Variants in RYR1 observed in about 807,000 individuals in gnomAD.
The protein encoded by RYR1 is ryanodine receptor 1.
Under a neutral mutation model 583.5 loss-of-function variants are expected in RYR1, and 342 were observed. The ratio of observed to expected loss-of-function variants is 0.59; its 90% CI spans 0.54 to 0.64. RYR1 has a LOEUF of 0.64. Among genes scored for constraint, RYR1 ranks in the 30% least tolerant of loss-of-function variants. The pLI is 0.00. For synonymous variants in RYR1, 2,791 were observed against 2,822.5 expected, an observed-to-expected ratio of 0.99 and a Z score of 0.35; for missense variants, 6,032 against 6,917.2, an observed-to-expected ratio of 0.87 and a Z score of 4.54.
At chr19:38,455,170 A>C in intron 13 of RYR1, 65 bp from the exon 14 acceptor site, 1 of 1,585,382 alleles carries the variant, frequency 6.3e-7, no homozygotes, top group Admixed American at 1.7e-5. Context: ...TCGTGAATCC[A>C]AGAAAGACAA....
At chr19:38,563,123 C>A (rs1973229809) in intron 90 of RYR1, among the ~76,000 whole-genome samples, 1 of 152,224 alleles carries the variant, frequency 6.6e-6, no homozygotes, top group Admixed American at 6.5e-5. Context: ...TACAAACACT[C>A]TTTGCCTTAG....
At position 38,485,911 on chromosome 19, in the gene RYR1, C is replaced by T. The variant is rs1568484705; in HGVS notation, c.5256C>T (p.Ser1752=). 1.2e-6 allele frequency: 2 copies of T among 1,613,776 alleles called. No homozygotes were observed. The highest frequency in any genetic ancestry group is 4.5e-5 in the East Asian group (2 of 44,882). The change falls in exon 34 of 106, where the codon AGC becomes AGT. Residue 1752 remains serine (S), a synonymous_variant. Transcript: ENST00000359596. ...TCACGCTCTTCCCTCCTGGAAGGAGCACAGAAAATGGTCACCCCCGGCATG... is the reference window on the plus strand; with the variant it reads ...TCACGCTCTTCCCTCCTGGAAGGAGTACAGAAAATGGTCACCCCCGGCATG... The part of the protein sequence containing the change: ...RAITLFPPGR[S]TENGHPRHGL...
In RYR1 at chr19:38,543,705, C is replaced by T. The variant is rs1972302293; in HGVS notation, c.11907+45C>T. ...GCGGGAGTGGGAAGGGAGGGGGTCC[C>T]GCATCGTGATCCCTGATCCCTTCTC... On this transcript the variant is annotated intron_variant, in intron 86 of 105. Transcript: ENST00000359596. This position sits in a 1 kb window ranked among gnomAD's most constrained non-coding sequence, Gnocchi z 4.4. 1.2e-6 allele frequency: 2 copies of T among 1,611,668 alleles called. No individual in the cohort carries two copies. The highest frequency in any genetic ancestry group is 1.7e-6 in the Non-Finnish European group (2 of 1,179,976).
intron 97 of RYR1, 40 bp from the exon 98 acceptor site, chr19:38,577,878 C>G: frequency 1.2e-6 from 2 of 1,613,604 alleles, no homozygotes; most frequent in Non-Finnish European, 8.5e-7. Context: ...CACACCCACA[C>G]TCCAGCTGTG....
intron 63 of RYR1, 56 bp from the exon 64 acceptor site, chr19:38,514,970 T>C (rs1970891332): frequency 8.3e-7 from 1 of 1,202,262 alleles, no homozygotes; most frequent in South Asian, 1.2e-5. Flanking sequence ...GGAGGTGGGG[T>C]GGGGAGGGCT....
chr19:38,451,680 C>G, intron 11 of RYR1, 84 bp from the exon 12 acceptor site: 2 of 1,551,226 alleles, frequency 1.3e-6, no homozygotes, highest in Non-Finnish European at 1.8e-6. Flanking sequence ...GGGGCAAGTG[C>G]AGAACTCAAG....
At position 38,490,718 on chromosome 19, in the gene RYR1, T is replaced by A. The variant is rs1969515618; in HGVS notation, c.6113T>A (p.Leu2038Gln). 1 of 1,611,096 alleles carries A rather than the reference T, an allele frequency of 6.2e-7. No individual in the cohort carries two copies. Among genetic ancestry groups the A allele is most frequent in the African/African-American group, 1.3e-5 (1 of 74,904 alleles). The change falls in exon 37 of 106, where the codon CTG (leucine) becomes CAG (glutamine). Residue 2038 changes from leucine (L) to glutamine (Q), a missense_variant. By Grantham distance (113) the Leu-to-Gln change is moderately radical. Coordinates refer to ENST00000359596, the MANE Select transcript of RYR1 (RefSeq NM_000540.3). ...GATTTGCTTGACTTTCATCAAGACCTGCTGGCACACTGTGGTAAGGAGTGG... is the reference window on the plus strand; with the variant it reads ...GATTTGCTTGACTTTCATCAAGACCAGCTGGCACACTGTGGTAAGGAGTGG... ...RQDLLDFHQDLLAHCGIQLDG... is the reference protein window; with the variant it reads ...RQDLLDFHQDQLAHCGIQLDG...
intron 3 of RYR1, 42 bp from the exon 4 acceptor site, chr19:38,443,516 C>T (rs763177673): frequency 1.6e-4 from 249 of 1,574,024 alleles, no homozygotes; most frequent in Non-Finnish European, 2.1e-4. Context: ...TCTGGAGAGT[C>T]CGGGGATCTG....
rs887144192 is a variant in RYR1, at chr19:38,543,206, T to C, written c.11690-141T>C. 16 of 752,344 alleles carry C rather than the reference T, an allele frequency of 2.1e-5. No homozygotes were observed. Among genetic ancestry groups the C allele is most frequent in the Non-Finnish European group, 3.8e-5 (16 of 417,900 alleles). The allele number at this position is 752,344 out of a possible 1,614,324, so 46.6% of individuals were successfully genotyped here. The stretch of plus-strand genomic sequence containing the variant: ...TCACATAGTAAGTACTTGATAGTTA[T>C]TAAATAAATTGATGATGATATGCTT... On this transcript the variant is annotated intron_variant, in intron 84 of 105. Transcript: ENST00000359596. The surrounding 1 kb of genome is among the most constrained non-coding windows in gnomAD (Gnocchi z 4.4).
At chr19:38,497,093 T>C (rs1036249424) in intron 42 of RYR1, 139 bp downstream of exon 42, 3 of 729,212 alleles carry the variant, frequency 4.1e-6, no homozygotes, top group African/African-American at 3.5e-5. Flanking sequence ...AGGAGACTAA[T>C]TTGCAGGGAG....
In RYR1 at chr19:38,455,382, A is replaced by C; in HGVS notation, c.1576+12A>C. 6.2e-7 allele frequency: 1 copy of C among 1,614,088 alleles called. No homozygotes were observed. Among genetic ancestry groups the C allele is most frequent in the African/African-American group, 1.3e-5 (1 of 74,998 alleles). Reference sequence around the variant, plus strand: ...CTATGAACTCCTAGGTAGGGGTCCCAGTCCTGACTCCCCTGAGAACACCCC... The same window carrying C: ...CTATGAACTCCTAGGTAGGGGTCCCCGTCCTGACTCCCCTGAGAACACCCC... On this transcript the variant is annotated intron_variant, in intron 14 of 105. Coordinates refer to ENST00000359596, the MANE Select transcript of RYR1 (RefSeq NM_000540.3).
At chr19:38,462,431 C>T (rs749249212) in intron 20 of RYR1, among the ~76,000 whole-genome samples, 3 of 152,094 alleles carry the variant, frequency 2.0e-5, no homozygotes, top group Admixed American at 6.6e-5. Flanking sequence ...CCCTGGATGC[C>T]TCTGTCCCCA....
intron 12 of RYR1, 133 bp downstream of exon 12, chr19:38,452,018 G>A (rs1967100915): frequency 7.9e-7 from 1 of 1,273,700 alleles, no homozygotes; most frequent in African/African-American, 1.5e-5. Flanking sequence ...GCCAAGCGCA[G>A]TGGCTCACAC....
rs181419618 is a variant in RYR1 at position 38,494,473 on chromosome 19, T to G, written c.6396T>G (p.Gly2132=). The G allele has an allele frequency of 4.3e-6, 7 of 1,612,374 alleles. No homozygotes were observed. Among genetic ancestry groups the G allele is most frequent in the Non-Finnish European group, 1.7e-6 (2 of 1,179,930 alleles). ...SLLHRQYDGL[G]ELLRALPRAY... is the part of the protein sequence containing the mutation. ...TGCACCGGCAGTACGACGGGCTGGGTGAGCTGCTGCGTGCCCTGCCGCGGG... is the reference window on the plus strand; with the variant it reads ...TGCACCGGCAGTACGACGGGCTGGGGGAGCTGCTGCGTGCCCTGCCGCGGG... Residue 2132 remains glycine (G), a synonymous_variant, in exon 39 of 106, where the codon GGT becomes GGG. Coordinates refer to ENST00000359596, the MANE Select transcript of RYR1 (RefSeq NM_000540.3).
At chr19:38,548,175 C>T in intron 88 of RYR1, 58 bp from the exon 89 acceptor site, 1 of 1,602,340 alleles carries the variant, frequency 6.2e-7, no homozygotes, top group African/African-American at 1.3e-5. Context: ...AGAGGCAAGC[C>T]TGGTGGGGCC....
At position 38,440,804 on chromosome 19, in the gene RYR1, C is replaced by T; in HGVS notation, c.105C>T (p.Cys35=). 3 of 1,609,082 alleles carry T rather than the reference C, an allele frequency of 1.9e-6. No homozygotes were observed. The highest frequency in any genetic ancestry group is 2.5e-6 in the Non-Finnish European group (3 of 1,178,576). ...ATVLKEQLKL[C]LAAEGFGNRL... ...TGCTCAAGGAGCAGCTCAAGCTCTGCCTGGCCGCCGAGGGCTTCGGCAACC... is the reference window on the plus strand; with the variant it reads ...TGCTCAAGGAGCAGCTCAAGCTCTGTCTGGCCGCCGAGGGCTTCGGCAACC... The change falls in exon 2 of 106, where the codon TGC becomes TGT. Residue 35 remains cysteine (C), a synonymous_variant. Coordinates refer to ENST00000359596, the MANE Select transcript of RYR1 (RefSeq NM_000540.3).
Position 38,507,815 on chromosome 19 carries a change from A to AT in RYR1, c.8922dup (p.Ala2975CysfsTer18), listed in dbSNP as rs2145643810. On this transcript the variant is annotated frameshift_variant, in exon 58 of 106. Coordinates refer to ENST00000359596, the MANE Select transcript of RYR1 (RefSeq NM_000540.3). LOFTEE classifies it high-confidence loss of function. ...CTGGATGGACATTTCTCAGGAGTTCATTGCCCACCTGGGTACGGAGAAATA... is the reference window on the plus strand; with the variant it reads ...CTGGATGGACATTTCTCAGGAGTTCATTTGCCCACCTGGGTACGGAGAAATA... The AT allele has an allele frequency of 6.2e-7, 1 of 1,611,022 alleles. No individual in the cohort carries two copies. Among genetic ancestry groups the AT allele is most frequent in the Admixed American group, 1.7e-5 (1 of 59,928 alleles).
Position 38,486,074 on chromosome 19 carries a change from C to A in RYR1, c.5419C>A (p.Leu1807Met). ...RLSPAIPLEA[L>M]RDKALRMLGE... Reference sequence around the variant, plus strand: ...CAGCCCTGCCATCCCGCTGGAGGCCCTGCGGGACAAGGCACTGAGGATGCT... The same window carrying A: ...CAGCCCTGCCATCCCGCTGGAGGCCATGCGGGACAAGGCACTGAGGATGCT... The change falls in exon 34 of 106, where the codon CTG becomes ATG. Residue 1807 changes from leucine (L) to methionine (M), a missense_variant. Transcript: ENST00000359596. 1.2e-6 allele frequency: 2 copies of A among 1,612,630 alleles called. No homozygotes were observed. Among genetic ancestry groups the A allele is most frequent in the Non-Finnish European group, 1.7e-6 (2 of 1,179,370 alleles).
chr19:38,434,884 G>T (rs1972356835), intron 1 of RYR1, among the ~76,000 whole-genome samples: 1 of 152,148 alleles, frequency 6.6e-6, no homozygotes, highest in Non-Finnish European at 1.5e-5. Context: ...CAGCATTCCT[G>T]CCCCAGAATA....
Sources: allele counts gnomAD v4.1 joint callset (sites outside exome capture counted in the v4.1 genomes callset), GRCh38; gene constraint gnomAD v4.1.1; non-coding constraint Gnocchi (gnomAD v3.1); transcripts MANE v1.5; gene names NCBI Gene and HGNC (gene_info 2026-07-23, HGNC 2026-07-21).